The following CLYBL variants were observed in gnomAD, a reference collection of about 807,000 sequenced individuals.
CLYBL encodes the protein citramalyl-CoA lyase, also known as citramalyl-CoA lyase, mitochondrial.
Under a neutral mutation model 38.9 loss-of-function variants are expected in CLYBL, and 31 were observed. That is an observed-to-expected ratio of 0.80 (90% CI 0.60 to 1.08). CLYBL has a LOEUF of 1.08. CLYBL is among the 50% of genes least tolerant of loss of function. CLYBL has a pLI of 0.00. For synonymous variants in CLYBL, 171 were observed against 158.6 expected (o/e 1.08, Z -0.59); for missense variants, 434 against 411.6 (o/e 1.05, Z -0.47).
At chr13:99,755,020 C>T (rs2049035219) in intron 1 of CLYBL, among the ~76,000 whole-genome samples, 1 of 151,942 alleles carries the variant, frequency 6.6e-6, no homozygotes, top group Admixed American at 6.5e-5. Context: ...GCTTCAAACC[C>T]CCGGGTAGCT....
downstream of CLYBL, chr13:99,893,546 C>T (rs2052530953): frequency 6.6e-6 from 1 of 152,484 alleles, no homozygotes; most frequent in Non-Finnish European, 1.5e-5. Context: ...TAAACCTCAC[C>T]TTGTCCTTCC....
chr13:99,669,606 T>A (rs2047535079), intron 1 of CLYBL, among the ~76,000 whole-genome samples: 1 of 152,334 alleles, frequency 6.6e-6, no homozygotes, highest in Admixed American at 6.5e-5. Context: ...AAAGATTTCT[T>A]AGTTTACTGA....
intron 4 of CLYBL, among the ~76,000 whole-genome samples, chr13:99,863,910 G>C (rs2051674058): frequency 6.6e-6 from 1 of 152,160 alleles, no homozygotes; most frequent in Non-Finnish European, 1.5e-5. Flanking sequence ...GAGAGAATGT[G>C]TGAGCGGCAA....
intron 1 of CLYBL, among the ~76,000 whole-genome samples, chr13:99,762,549 C>T (rs1175091339): frequency 6.6e-6 from 1 of 152,122 alleles, no homozygotes; most frequent in Non-Finnish European, 1.5e-5. Flanking sequence ...TATGCGGGTA[C>T]CATGCTGATT....
rs549175774 is a variant in CLYBL, at chr13:99,787,892, T to A, written c.249+14882T>A. 7.7e-4 allele frequency among the ~76,000 whole-genome samples: 118 copies of A among 152,360 alleles called. 1 individual carries two copies. Among genetic ancestry groups the A allele is most frequent in the Admixed American group, 2.5e-3 (38 of 15,296 alleles). On this transcript the variant is annotated intron_variant, in intron 2 of 8. Coordinates refer to ENST00000339105, the MANE Select transcript of CLYBL (RefSeq NM_206808.5). ...TATTTCACTGAGCAGTGCTTTGTAGTTCTCCTTAAAGAGGTCCTTCACTTC... is the reference window on the plus strand; with the variant it reads ...TATTTCACTGAGCAGTGCTTTGTAGATCTCCTTAAAGAGGTCCTTCACTTC...
At chr13:99,828,557 GAGC>G (rs1231471526) in intron 2 of CLYBL, among the ~76,000 whole-genome samples, 12 of 152,270 alleles carry the variant, frequency 7.9e-5, no homozygotes, top group African/African-American at 2.9e-4. Flanking sequence ...ATTTTGTAAA[GAGC>G]AGCATTTCTA....
intron 2 of CLYBL, among the ~76,000 whole-genome samples, chr13:99,798,774 A>G (rs930104653): frequency 6.6e-6 from 1 of 152,216 alleles, no homozygotes; most frequent in African/African-American, 2.4e-5. Context: ...TGGAGGTTGT[A>G]GGGTGTTAAG....
At chr13:99,824,060 G>A (rs2050639720) in intron 2 of CLYBL, among the ~76,000 whole-genome samples, 2 of 152,296 alleles carry the variant, frequency 1.3e-5, no homozygotes, top group South Asian at 2.1e-4. Context: ...AGATTTGGCA[G>A]GTCTGCAAGA....
At chr13:99,835,166 C>A (rs144886929) in intron 2 of CLYBL, among the ~76,000 whole-genome samples, 1 of 152,356 alleles carries the variant, frequency 6.6e-6, no homozygotes, top group Non-Finnish European at 1.5e-5. Flanking sequence ...CCTCTATGAG[C>A]GGCTGATTCA....
chr13:99,801,173 C>G (rs2050129215), intron 2 of CLYBL, among the ~76,000 whole-genome samples: 1 of 152,174 alleles, frequency 6.6e-6, no homozygotes, highest in Admixed American at 6.5e-5. Flanking sequence ...GTTGGAGTGC[C>G]CCAGTCTCCT....
chr13:99,607,275 A>G (rs1256109974), intron 1 of CLYBL, among the ~76,000 whole-genome samples: 1 of 151,230 alleles, frequency 6.6e-6, no homozygotes, highest in Non-Finnish European at 1.5e-5. Context: ...AACTTTTAAT[A>G]CAAATAACAC....
chr13:99,694,203 T>G (rs2139438102), intron 1 of CLYBL, among the ~76,000 whole-genome samples: 1 of 152,226 alleles, frequency 6.6e-6, no homozygotes, highest in South Asian at 2.1e-4. Flanking sequence ...CTCCCTTGTG[T>G]GTCCTGCACC....
At chr13:99,633,210 C>CAAAAAAAA (rs59801603) in intron 1 of CLYBL, among the ~76,000 whole-genome samples, 1 of 62,732 alleles carries the variant, frequency 1.6e-5, no homozygotes, top group African/African-American at 6.0e-5. Context: ...GATCCTGTCT[C>CAAAAAAAA]AAAAAAAAAA....
chr13:99,726,396 C>T (rs2048472502), intron 1 of CLYBL: 1 of 152,236 alleles, frequency 6.6e-6, no homozygotes. Flanking sequence ...AGGTTTAACT[C>T]TCCATGGGGT....
intron 1 of CLYBL, among the ~76,000 whole-genome samples, chr13:99,607,319 A>T (rs1437053649): frequency 6.6e-6 from 1 of 152,230 alleles, no homozygotes; most frequent in Non-Finnish European, 1.5e-5. Flanking sequence ...AAAAGTGAGA[A>T]GATTGGCTCA....
At chr13:99,706,592 C>T (rs2048150184) in intron 1 of CLYBL, among the ~76,000 whole-genome samples, 1 of 152,110 alleles carries the variant, frequency 6.6e-6, no homozygotes. Context: ...CTTTCTTGGG[C>T]ATTCAGTCTA....
At chr13:99,657,833 C>G (rs1474868826) in intron 1 of CLYBL, among the ~76,000 whole-genome samples, 1 of 152,224 alleles carries the variant, frequency 6.6e-6, no homozygotes, top group Admixed American at 6.5e-5. Context: ...TTAAGCAGCT[C>G]TGCTGTGGCT....
chr13:99,885,071 A>G (rs1163645373), intron 7 of CLYBL: 3 of 529,870 alleles, frequency 5.7e-6, no homozygotes, highest in African/African-American at 1.9e-5. Flanking sequence ...CCTGGCAGGT[A>G]CTGGGTGCTG....
At chr13:99,673,718 C>T (rs2047600979) in intron 1 of CLYBL, among the ~76,000 whole-genome samples, 1 of 152,132 alleles carries the variant, frequency 6.6e-6, no homozygotes, top group African/African-American at 2.4e-5. Flanking sequence ...GGCTTTACTC[C>T]AGGTGGAATG....
Sources: gnomAD v4.1 joint callset for allele counts (sites outside exome capture counted in the v4.1 genomes callset) on GRCh38, gnomAD v4.1.1 for gene constraint, MANE v1.5 for transcripts, NCBI Gene and HGNC (gene_info 2026-07-23, HGNC 2026-07-21) for gene names.